Variants in OR2T29 observed in about 807,000 individuals in gnomAD.
OR2T29 encodes the protein olfactory receptor family 2 subfamily T member 29.
For missense variants in OR2T29, 7 were observed against 121.9 expected (o/e 0.06, Z 4.44); for synonymous variants, 2 against 44.9 (o/e 0.04, Z 3.82).
intron 1 of OR2T29, among the ~76,000 whole-genome samples, chr1:248,560,181 G>A (rs9439355): frequency 0.57 from 15,394 of 27,152 alleles, 2,320 homozygotes; most frequent in Non-Finnish European, 0.72. Context: ...CTTTTTCTCT[G>A]TCTGCCATTC....
chr1:248,559,482 T>C lies in OR2T29; in HGVS notation c.10A>G (p.Ile4Val). The C allele has an allele frequency of 2.5e-6, 4 of 1,593,358 alleles. No individual in the cohort carries two copies. The highest frequency in any genetic ancestry group is 2.3e-5 in the East Asian group (1 of 43,404). ...CCAGTGTGGTTGGCCATCCTGGTGA[T>C]GTTGGCCATGAGGTTTCACCTAGGC... MAN[I>V]TRMANHTGRL... Residue 4 changes from isoleucine to valine, a missense_variant, in exon 2 of 2, where the codon ATC becomes GTC. Coordinates refer to ENST00000641069, the MANE Select transcript of OR2T29 (RefSeq NM_001004694.3).
intron 1 of OR2T29, among the ~76,000 whole-genome samples, chr1:248,562,150 T>C (rs1267196789): frequency 1.3e-5 from 2 of 149,888 alleles, no homozygotes; most frequent in Non-Finnish European, 1.5e-5. Context: ...TATTAAAAAA[T>C]GCAGGTTCTC....
In OR2T29 at chr1:248,558,093, A is replaced by AC. The variant is rs1659481076; in HGVS notation, c.*450_*451insG. 2 of 75,004 alleles carry AC rather than the reference A, an allele frequency of 2.7e-5. No individual in the cohort carries two copies. The highest frequency in any genetic ancestry group is 2.5e-5 in the Non-Finnish European group (1 of 39,666). 4.6% of individuals were successfully genotyped at this position (75,004 alleles called of 1,614,324 possible). On this transcript the variant is annotated 3_prime_UTR_variant, in exon 2 of 2. Transcript: ENST00000641069. ...TTTGTAAATGATTTCAACTTCACAA[A>AC]AATCATTAAAAAACAATAGTACAAT...
intron 1 of OR2T29, among the ~76,000 whole-genome samples, chr1:248,562,355 T>C (rs542777641): frequency 1.5e-5 from 2 of 133,688 alleles, no homozygotes; most frequent in East Asian, 2.1e-4. Flanking sequence ...ACATTGTTTC[T>C]AGTGTTTTGT....
At chr1:248,560,436 T>C (rs1659522818) in intron 1 of OR2T29, among the ~76,000 whole-genome samples, 1 of 87,022 alleles carries the variant, frequency 1.1e-5, no homozygotes, top group South Asian at 3.6e-4. Context: ...TACCTATTCA[T>C]ACATTTAAGA....
Position 248,559,516 on chromosome 1 carries a change from A to T in OR2T29, c.-10-15T>A, listed in dbSNP as rs778942853. The T allele has an allele frequency of 3.6e-6, 4 of 1,103,886 alleles. No homozygotes were observed. The African/African-American group carries it at 5.8e-5, about 16-fold the overall frequency. 68.4% of individuals were successfully genotyped at this position (1,103,886 alleles called of 1,614,324 possible). ...TGAGGTTTCACCTAGGCCACCAAGG[A>T]GAGTTTTGGAGTCAGTGTAACGCGT... is the stretch of plus-strand genomic sequence containing the variant. On this transcript the variant is annotated splice_polypyrimidine_tract_variant and intron_variant, in intron 1 of 1. Coordinates refer to ENST00000641069, the MANE Select transcript of OR2T29 (RefSeq NM_001004694.3).
chr1:248,557,451 C>CT lies in OR2T29; in HGVS notation c.*1092dup, dbSNP rs1443090336. 38 of 73,066 alleles carry CT rather than the reference C, an allele frequency of 5.2e-4. No individual in the cohort carries two copies. Among genetic ancestry groups the CT allele is most frequent in the African/African-American group, 1.7e-3 (31 of 18,124 alleles). 4.5% of individuals were successfully genotyped at this position (73,066 alleles called of 1,614,324 possible). A position where few individuals can be genotyped will look rare whatever the true frequency, so the allele number is the denominator to read the frequency against. ...ATTCAGCACTGAGCCCCGGAGTCTC[C>CT]TCTCAGCTCCTTGTTTGAACTCAGA... On this transcript the variant is annotated 3_prime_UTR_variant, in exon 2 of 2. Coordinates refer to ENST00000641069, the MANE Select transcript of OR2T29 (RefSeq NM_001004694.3).
At chr1:248,562,529 T>C (rs1315339613) in intron 1 of OR2T29, 197 bp downstream of exon 1, 1 of 145,170 alleles carries the variant, frequency 6.9e-6, no homozygotes, top group African/African-American at 2.6e-5. Context: ...TTTACCATTA[T>C]GTCACAGTAA....
intron 1 of OR2T29, among the ~76,000 whole-genome samples, chr1:248,562,036 C>T (rs1378672825): frequency 7.1e-6 from 1 of 141,834 alleles, no homozygotes; most frequent in Non-Finnish European, 1.5e-5. Flanking sequence ...TTGAAGCATA[C>T]AGCATCCCAG....
intron 1 of OR2T29, among the ~76,000 whole-genome samples, chr1:248,560,571 T>C (rs1659524724): frequency 9.4e-5 from 3 of 31,930 alleles, no homozygotes; most frequent in Admixed American, 5.8e-4. Flanking sequence ...TTTATATAAA[T>C]ATATATAATA....
intron 1 of OR2T29, among the ~76,000 whole-genome samples, chr1:248,560,137 G>A (rs1346458809): frequency 0.029 from 919 of 32,106 alleles, no homozygotes; most frequent in African/African-American, 0.043. Flanking sequence ...GAAGTGAGGA[G>A]CCCACACACA....
intron 1 of OR2T29, among the ~76,000 whole-genome samples, chr1:248,561,913 T>C (rs1369081833): frequency 1.4e-5 from 2 of 139,074 alleles, no homozygotes; most frequent in Non-Finnish European, 3.1e-5. Flanking sequence ...CACAGTGAAC[T>C]GGCCCCCTGT....
rs745989016 is a variant in OR2T29 at position 248,559,519 on chromosome 1, G to A, written c.-10-18C>T. 4.4e-6 allele frequency: 5 copies of A among 1,133,938 alleles called. No homozygotes were observed. In the Admixed American group the frequency reaches 6.2e-5, roughly 14 times the overall value. 70.2% of individuals were successfully genotyped at this position (1,133,938 alleles called of 1,614,324 possible). On this transcript the variant is annotated intron_variant, in intron 1 of 1. Coordinates refer to ENST00000641069, the MANE Select transcript of OR2T29 (RefSeq NM_001004694.3). ...GGTTTCACCTAGGCCACCAAGGAGA[G>A]TTTTGGAGTCAGTGTAACGCGTCCC...
intron 1 of OR2T29, among the ~76,000 whole-genome samples, chr1:248,560,132 G>A (rs200114302): frequency 0.57 from 15,651 of 27,590 alleles, 2,910 homozygotes; most frequent in Non-Finnish European, 0.71. Context: ...GACGTGAAGT[G>A]AGGAGCCCAC....
Position 248,558,215 on chromosome 1 carries a change from CTCA to C in OR2T29, c.*326_*328del, listed in dbSNP as rs1481999347. 9.5e-6 allele frequency: 1 copy of C among 105,058 alleles called. No individual in the cohort carries two copies. The highest frequency in any genetic ancestry group is 9.9e-5 in the Admixed American group (1 of 10,098). The allele number at this position is 105,058 out of a possible 1,614,324, so 6.5% of individuals were successfully genotyped here. A position where few individuals can be genotyped will look rare whatever the true frequency, so the allele number is the denominator to read the frequency against. ...TCTCTATCTCCCTCCCTCTTTCCCT[CTCA>C]TCATTTGAACACCTCATGACCTTTT... On this transcript the variant is annotated 3_prime_UTR_variant, in exon 2 of 2. Coordinates refer to ENST00000641069, the MANE Select transcript of OR2T29 (RefSeq NM_001004694.3).
Position 248,557,191 on chromosome 1 carries a change from A to AAT in OR2T29, c.*1351_*1352dup, listed in dbSNP as rs2103073817. ...CACATCTCCAATTGATCACCACACAAATAACATTTCTAAAATACAAATCTG... is the reference window on the plus strand; with the variant it reads ...CACATCTCCAATTGATCACCACACAAATATAACATTTCTAAAATACAAATCTG... On this transcript the variant is annotated 3_prime_UTR_variant, in exon 2 of 2. Coordinates refer to ENST00000641069, the MANE Select transcript of OR2T29 (RefSeq NM_001004694.3). The AAT allele has an allele frequency of 6.6e-6, 1 of 152,390 alleles. No homozygotes were observed. Among genetic ancestry groups the AAT allele is most frequent in the African/African-American group, 2.4e-5 (1 of 41,592 alleles). The allele number at this position is 152,390 out of a possible 1,614,324, so 9.4% of individuals were successfully genotyped here. A position where few individuals can be genotyped will look rare whatever the true frequency, so the allele number is the denominator to read the frequency against.
In OR2T29 at chr1:248,559,516, A is replaced by G. The variant is rs778942853; in HGVS notation, c.-10-15T>C. ...TGAGGTTTCACCTAGGCCACCAAGG[A>G]GAGTTTTGGAGTCAGTGTAACGCGT... On this transcript the variant is annotated splice_polypyrimidine_tract_variant and intron_variant, in intron 1 of 1. Coordinates refer to ENST00000641069, the MANE Select transcript of OR2T29 (RefSeq NM_001004694.3). 2.7e-6 allele frequency: 3 copies of G among 1,103,996 alleles called. No homozygotes were observed. The Admixed American group carries it at 6.2e-5, about 23-fold the overall frequency. 68.4% of individuals were successfully genotyped at this position (1,103,996 alleles called of 1,614,324 possible).
chr1:248,562,487 A>G (rs1659539441), intron 1 of OR2T29: 1 of 144,598 alleles, frequency 6.9e-6, no homozygotes, highest in Non-Finnish European at 1.5e-5. Flanking sequence ...ATATATTATT[A>G]TGTCCATAAA....
chr1:248,562,627 G>A (rs1246374376), intron 1 of OR2T29, 99 bp downstream of exon 1: 2 of 145,048 alleles, frequency 1.4e-5, no homozygotes, highest in Non-Finnish European at 3.0e-5. Context: ...AGGAAATGCT[G>A]TGAAGAACTA....
Sources: allele counts gnomAD v4.1 joint callset (sites outside exome capture counted in the v4.1 genomes callset), GRCh38; gene constraint gnomAD v4.1.1; transcripts MANE v1.5; gene names NCBI Gene and HGNC (gene_info 2026-07-23, HGNC 2026-07-21).